DNAAF11: variants seen among roughly 807,000 people sequenced by gnomAD.
The protein encoded by DNAAF11 is leucine rich repeat containing 6.
A neutral mutation model predicts 60.8 loss-of-function variants in DNAAF11; 45 were observed. The ratio of observed to expected loss-of-function variants is 0.74; its 90% CI spans 0.58 to 0.95. The LOEUF (loss-of-function observed/expected upper bound fraction) is 0.95, where lower values mean the gene tolerates loss of function less well. DNAAF11 is among the 40% of genes least tolerant of loss of function. The pLI is 0.00. For missense variants in DNAAF11, 546 were observed against 546.2 expected (o/e 1.00, Z 0.00); for synonymous variants, 191 against 183.5 (o/e 1.04, Z -0.33).
intron 11 of DNAAF11, among the ~76,000 whole-genome samples, chr8:132,573,984 G>A (rs1347533170): frequency 1.3e-5 from 2 of 152,198 alleles, no homozygotes; most frequent in Non-Finnish European, 2.9e-5. Flanking sequence ...GGGTGAAAGA[G>A]GTGGGAATCC....
upstream of DNAAF11, chr8:132,675,650 T>C: frequency 1.5e-6 from 1 of 655,876 alleles, no homozygotes; most frequent in Non-Finnish European, 2.5e-6. Flanking sequence ...ACAAGCCGCG[T>C]TTCCTGAGCT....
At chr8:132,592,130 T>C (rs1474583912) in intron 10 of DNAAF11, among the ~76,000 whole-genome samples, 1 of 152,176 alleles carries the variant, frequency 6.6e-6, no homozygotes, top group Non-Finnish European at 1.5e-5. Flanking sequence ...CAACAGGTAT[T>C]TTTTTGAGTT....
intron 7 of DNAAF11, among the ~76,000 whole-genome samples, chr8:132,617,032 A>T (rs1819234121): frequency 6.6e-6 from 1 of 152,214 alleles, no homozygotes; most frequent in South Asian, 2.1e-4. Context: ...GTTTGGGCAC[A>T]GTAGAGATAG....
At position 132,613,166 on chromosome 8, in the gene DNAAF11, T is replaced by G. The variant is rs555255000; in HGVS notation, c.975-1803A>C. Among the ~76,000 whole-genome samples the G allele has an allele frequency of 4.6e-5, 7 of 152,252 alleles. 1 individual carries two copies. The highest frequency in any genetic ancestry group is 1.4e-4 in the African/African-American group (6 of 41,550). Reference sequence around the variant, plus strand: ...CCTGGCAGCAAGCAGGCAGAAGAATTGACAGGAATTCTGTGGAGAGGCACA... The same window carrying G: ...CCTGGCAGCAAGCAGGCAGAAGAATGGACAGGAATTCTGTGGAGAGGCACA... On this transcript the variant is annotated intron_variant, in intron 8 of 11. Transcript: ENST00000620350.
chr8:132,673,568 T>C (rs1825395809), intron 1 of DNAAF11, among the ~76,000 whole-genome samples: 2 of 152,096 alleles, frequency 1.3e-5, no homozygotes, highest in Admixed American at 1.3e-4. Context: ...TGTCAGGCCT[T>C]CCTTATCTCT....
the DNAAF11 span, among the ~76,000 whole-genome samples, chr8:132,695,301 T>C: frequency 3.9e-5 from 6 of 152,122 alleles, no homozygotes; most frequent in African/African-American, 9.7e-5. Flanking sequence ...TTAAGACAGG[T>C]ATTATTACAA....
At chr8:132,598,662 G>A (rs1463327184) in intron 10 of DNAAF11, among the ~76,000 whole-genome samples, 3 of 152,164 alleles carry the variant, frequency 2.0e-5, no homozygotes, top group Non-Finnish European at 4.4e-5. Flanking sequence ...TATAAATCCT[G>A]CAGTTAGCCA....
intron 10 of DNAAF11, among the ~76,000 whole-genome samples, chr8:132,590,049 A>G (rs1286223906): frequency 6.6e-6 from 1 of 152,126 alleles, no homozygotes; most frequent in Admixed American, 6.5e-5. Context: ...CAGGTGCTGA[A>G]CCTGTTTGTC....
intron 3 of DNAAF11, among the ~76,000 whole-genome samples, chr8:132,648,670 T>TA (rs1382086825): frequency 6.6e-6 from 1 of 152,184 alleles, no homozygotes; most frequent in Non-Finnish European, 1.5e-5. Flanking sequence ...AGTGTCAGGA[T>TA]AAAAAATCAA....
At chr8:132,682,791 T>C in the DNAAF11 span, among the ~76,000 whole-genome samples, 1 of 152,226 alleles carries the variant, frequency 6.6e-6, no homozygotes, top group Non-Finnish European at 1.5e-5. Flanking sequence ...GGGTTGGGCA[T>C]CTACATCTGG....
intron 1 of DNAAF11, among the ~76,000 whole-genome samples, chr8:132,669,212 G>A (rs892689901): frequency 2.6e-5 from 4 of 152,084 alleles, no homozygotes; most frequent in African/African-American, 4.8e-5. Context: ...CCTAGATATC[G>A]GCTTCCTGAG....
At chr8:132,586,068 A>G (rs1225416039) in intron 10 of DNAAF11, among the ~76,000 whole-genome samples, 1 of 152,206 alleles carries the variant, frequency 6.6e-6, no homozygotes, top group Non-Finnish European at 1.5e-5. Flanking sequence ...TAAAAAATAG[A>G]ATTAAGAAGA....
chr8:132,602,938 C>T (rs1817780149), intron 10 of DNAAF11, among the ~76,000 whole-genome samples: 1 of 152,032 alleles, frequency 6.6e-6, no homozygotes, highest in South Asian at 2.1e-4. Flanking sequence ...TGAAGACAGG[C>T]TGTGAGGCCT....
chr8:132,621,265 G>A (rs1309450929), intron 7 of DNAAF11, among the ~76,000 whole-genome samples: 1 of 152,154 alleles, frequency 6.6e-6, no homozygotes, highest in Non-Finnish European at 1.5e-5. Context: ...GAGAAACGGT[G>A]GAAGCTTCAG....
chr8:132,582,886 G>A (rs1179781282), intron 11 of DNAAF11, among the ~76,000 whole-genome samples: 3 of 152,212 alleles, frequency 2.0e-5, no homozygotes, highest in Non-Finnish European at 4.4e-5. Context: ...CAGAAGGACA[G>A]TTGGAAGAAC....
At chr8:132,575,990 TG>T (rs1336868469) in intron 11 of DNAAF11, among the ~76,000 whole-genome samples, 1 of 152,198 alleles carries the variant, frequency 6.6e-6, no homozygotes, top group Non-Finnish European at 1.5e-5. Flanking sequence ...CCACGACTCT[TG>T]GGAACTGGGG....
intron 1 of DNAAF11, among the ~76,000 whole-genome samples, chr8:132,673,270 A>AT (rs1260638163): frequency 2.0e-5 from 3 of 152,166 alleles, no homozygotes; most frequent in Non-Finnish European, 4.4e-5. Context: ...CACCAAAGAA[A>AT]TAGAGATGTC....
intron 10 of DNAAF11, among the ~76,000 whole-genome samples, chr8:132,603,925 G>C (rs1390470310): frequency 6.6e-6 from 1 of 152,086 alleles, no homozygotes; most frequent in African/African-American, 2.4e-5. Flanking sequence ...TAGAGGGATT[G>C]CATACACCAC....
intron 6 of DNAAF11, among the ~76,000 whole-genome samples, chr8:132,623,372 A>T (rs1346106016): frequency 1.3e-5 from 2 of 152,178 alleles, no homozygotes; most frequent in African/African-American, 4.8e-5. Flanking sequence ...TTGTTTTACA[A>T]AAAGACCCCA....
Sources: gnomAD v4.1 joint callset for allele counts (sites outside exome capture counted in the v4.1 genomes callset) on GRCh38, gnomAD v4.1.1 for gene constraint, MANE v1.5 for transcripts, NCBI Gene and HGNC (gene_info 2026-07-23, HGNC 2026-07-21) for gene names.